Variants in SH3KBP1 observed in about 807,000 individuals in gnomAD.
The protein encoded by SH3KBP1 is SH3 domain-containing kinase-binding protein 1.
Under a neutral mutation model 50.1 loss-of-function variants are expected in SH3KBP1, and 8 were observed. The ratio of observed to expected loss-of-function variants is 0.16; its 90% CI spans 0.09 to 0.29. SH3KBP1 has a LOEUF of 0.29. SH3KBP1 is among the 10% of genes least tolerant of loss of function. The pLI is 1.00. For synonymous variants in SH3KBP1, 227 were observed against 218.6 expected (o/e 1.04, Z -0.34); for missense variants, 377 against 535.2 (o/e 0.70, Z 2.92).
intron 2 of SH3KBP1, among the ~76,000 whole-genome samples, chrX:19,813,364 A>T (rs1438726499): frequency 9.2e-6 from 1 of 108,816 alleles, no homozygotes; most frequent in Non-Finnish European, 1.9e-5. Flanking sequence ...TATGATTGAC[A>T]AAGAAAAATT....
intron 13 of SH3KBP1, among the ~76,000 whole-genome samples, chrX:19,557,889 T>C (rs1383946708): frequency 7.2e-5 from 8 of 111,728 alleles, no homozygotes; most frequent in Admixed American, 2.9e-4. Context: ...TATGAAAGAA[T>C]GATAAAAGGT....
intron 1 of SH3KBP1, among the ~76,000 whole-genome samples, chrX:19,849,684 A>G (rs2068454121): frequency 1.9e-5 from 1 of 53,907 alleles, no homozygotes; most frequent in Non-Finnish European, 2.9e-5. Context: ...TAGCAGAGTG[A>G]AAAAAAAAAA....
chrX:19,572,343 AG>A (rs1158797502), intron 12 of SH3KBP1, among the ~76,000 whole-genome samples: 5 of 103,146 alleles, frequency 4.8e-5, no homozygotes, highest in Admixed American at 2.1e-4. Context: ...TGTTATATAT[AG>A]TACATATATA....
At chrX:19,761,046 G>A (rs1390882698) in intron 2 of SH3KBP1, among the ~76,000 whole-genome samples, 1 of 104,929 alleles carries the variant, frequency 9.5e-6, no homozygotes, top group Non-Finnish European at 2.0e-5. Context: ...CAATGAGAGA[G>A]AGGAGGCGGC....
chrX:19,837,769 T>TATGA (rs972315281), intron 1 of SH3KBP1, among the ~76,000 whole-genome samples: 4 of 110,738 alleles, frequency 3.6e-5, no homozygotes, highest in Admixed American at 1.9e-4. Flanking sequence ...TGCAGATCCG[T>TATGA]ATGAATGAAT....
chrX:19,668,711 A>G (rs1305457180), intron 6 of SH3KBP1, among the ~76,000 whole-genome samples: 14 of 92,121 alleles, frequency 1.5e-4, no homozygotes, highest in East Asian at 1.2e-3. Flanking sequence ...TTAGCCGGGC[A>G]TGGTGGTGGG....
At chrX:19,653,614 G>A (rs1437737050) in intron 6 of SH3KBP1, among the ~76,000 whole-genome samples, 4 of 110,368 alleles carry the variant, frequency 3.6e-5, no homozygotes, top group African/African-American at 1.3e-4. Flanking sequence ...AGGAGGCTGA[G>A]GCAGGAGAAT....
chrX:19,867,701 G>A (rs1056091656), intron 1 of SH3KBP1, among the ~76,000 whole-genome samples: 1 of 111,005 alleles, frequency 9.0e-6, no homozygotes, highest in African/African-American at 3.3e-5. Context: ...GGTGCTGCTG[G>A]ATCCAGGAAA....
intron 2 of SH3KBP1, among the ~76,000 whole-genome samples, chrX:19,746,981 T>C (rs1228214588): frequency 8.9e-6 from 1 of 112,568 alleles, no homozygotes; most frequent in Non-Finnish European, 1.9e-5. Context: ...CTTATCACTC[T>C]AGATCAGGGG....
intron 13 of SH3KBP1, among the ~76,000 whole-genome samples, chrX:19,565,592 C>T (rs973915070): frequency 2.7e-5 from 3 of 111,254 alleles, no homozygotes; most frequent in Non-Finnish European, 5.7e-5. Context: ...AACCTCAGGA[C>T]GATGGAAGAG....
chrX:19,779,332 T>A (rs2066087067), intron 2 of SH3KBP1, among the ~76,000 whole-genome samples: 1 of 104,497 alleles, frequency 9.6e-6, no homozygotes, highest in Non-Finnish European at 2.0e-5. Context: ...GAGAAGGAGG[T>A]GAGAGTTAGC....
chrX:19,630,475 T>C (rs1602726798), intron 8 of SH3KBP1, among the ~76,000 whole-genome samples: 1 of 112,157 alleles, frequency 8.9e-6, no homozygotes, highest in Non-Finnish European at 1.9e-5. Flanking sequence ...CAGAAAAGAA[T>C]CACTTCTGCC....
At chrX:19,733,387 G>C (rs2064436425) in intron 3 of SH3KBP1, among the ~76,000 whole-genome samples, 2 of 109,723 alleles carry the variant, frequency 1.8e-5, no homozygotes, top group Admixed American at 2.0e-4. Flanking sequence ...TAATGGTATA[G>C]AATTGAAAGC....
intron 6 of SH3KBP1, among the ~76,000 whole-genome samples, chrX:19,666,462 G>A (rs1221262152): frequency 1.8e-5 from 2 of 111,134 alleles, no homozygotes; most frequent in Admixed American, 1.9e-4. Context: ...TATGGGAACA[G>A]TGGGGCTGTG....
chrX:19,846,790 T>C (rs186145005), intron 1 of SH3KBP1, among the ~76,000 whole-genome samples: 51 of 112,216 alleles, frequency 4.5e-4, no homozygotes, highest in Non-Finnish European at 7.7e-4. Context: ...ATAAGGTATC[T>C]GAAGGATTTG....
At chrX:19,697,582 C>T (rs191080753) in intron 4 of SH3KBP1, among the ~76,000 whole-genome samples, 1 of 111,870 alleles carries the variant, frequency 8.9e-6, no homozygotes, top group African/African-American at 3.3e-5. Context: ...AATACTCTAC[C>T]AAGATAGAAA....
chrX:19,782,050 A>C (rs1254928039), intron 2 of SH3KBP1, among the ~76,000 whole-genome samples: 1 of 112,009 alleles, frequency 8.9e-6, no homozygotes, highest in Non-Finnish European at 1.9e-5. Context: ...TCTAATTCCC[A>C]GAATCAGGAT....
chrX:19,668,561 T>C (rs1387732671), intron 6 of SH3KBP1, among the ~76,000 whole-genome samples: 1 of 107,999 alleles, frequency 9.3e-6, no homozygotes, highest in African/African-American at 3.4e-5. Flanking sequence ...AAAAAAAGTC[T>C]GGAAGAGGTC....
intron 1 of SH3KBP1, among the ~76,000 whole-genome samples, chrX:19,844,723 A>T: frequency 8.9e-6 from 1 of 111,796 alleles, no homozygotes; most frequent in Non-Finnish European, 1.9e-5. Context: ...GAGCAAAAAC[A>T]AAGGGTTATC....
Sources: allele counts gnomAD v4.1 joint callset (sites outside exome capture counted in the v4.1 genomes callset), GRCh38; gene constraint gnomAD v4.1.1; transcripts MANE v1.5; gene names NCBI Gene and HGNC (gene_info 2026-07-23, HGNC 2026-07-21).